SEZ6L: variants seen among roughly 807,000 people sequenced by gnomAD.
SEZ6L encodes the protein seizure 6-like protein.
Under a neutral mutation model 106.2 loss-of-function variants are expected in SEZ6L, and 37 were observed. That is an observed-to-expected ratio of 0.35 (90% CI 0.27 to 0.46). The LOEUF is 0.46. Ranked by LOEUF, SEZ6L falls within the 20% of genes least tolerant of loss-of-function variation. The pLI, the probability that SEZ6L is intolerant of heterozygous loss-of-function variation, is 1.00. For missense variants in SEZ6L, 1,172 were observed against 1,332.8 expected, an observed-to-expected ratio of 0.88 and a Z score of 1.88; for synonymous variants, 541 against 570.4, an observed-to-expected ratio of 0.95 and a Z score of 0.73.
chr22:26,350,807 C>T (rs943455749), intron 11 of SEZ6L, among the ~76,000 whole-genome samples: 6 of 152,038 alleles, frequency 3.9e-5, no homozygotes, highest in Admixed American at 2.0e-4. Context: ...CAGGCGCCCA[C>T]CACCAGGCCA....
intron 1 of SEZ6L, among the ~76,000 whole-genome samples, chr22:26,257,041 C>T (rs533404386): frequency 3.9e-5 from 6 of 152,146 alleles, no homozygotes; most frequent in African/African-American, 1.2e-4. Context: ...AAGGGACATA[C>T]GGAAATGTCT....
At chr22:26,274,896 C>T (rs1295813474) in intron 1 of SEZ6L, among the ~76,000 whole-genome samples, 3 of 152,208 alleles carry the variant, frequency 2.0e-5, no homozygotes, top group South Asian at 2.1e-4. Context: ...ATGTGGCTAC[C>T]GTTAGTCTCC....
intron 1 of SEZ6L, among the ~76,000 whole-genome samples, chr22:26,190,494 C>T (rs568930433): frequency 1.3e-5 from 2 of 152,284 alleles, no homozygotes; most frequent in South Asian, 4.2e-4. Context: ...GTTCAAATCC[C>T]ATCTCTGCCA....
chr22:26,295,784 C>G (rs1301874477), intron 3 of SEZ6L, among the ~76,000 whole-genome samples: 1 of 152,144 alleles, frequency 6.6e-6, no homozygotes, highest in African/African-American at 2.4e-5. Flanking sequence ...AAAACTGATG[C>G]AATGCCTGCC....
Position 26,311,930 on chromosome 22 carries a change from C to G in SEZ6L, c.1844C>G (p.Pro615Arg). ...ATCGAATGCATCAATGTGCGGGACC[C>G]ATACTGGAATGACACAGAGCCCCTG... ...AIIECINVRD[P>R]YWNDTEPLCR... The change falls in exon 8 of 17, where the codon CCA becomes CGA. Residue 615 changes from proline to arginine, a missense_variant. By Grantham distance (103) the Pro-to-Arg change is moderately radical. This residue lies in a region of SEZ6L where 534 missense variants were observed against 691.0 expected (regional missense o/e 0.77). Transcript: ENST00000248933. 6.2e-7 allele frequency: 1 copy of G among 1,614,146 alleles called. No individual in the cohort carries two copies. The highest frequency in any genetic ancestry group is 8.5e-7 in the Non-Finnish European group (1 of 1,180,028).
chr22:26,256,317 G>A (rs767330785), intron 1 of SEZ6L, among the ~76,000 whole-genome samples: 1 of 152,162 alleles, frequency 6.6e-6, no homozygotes, highest in African/African-American at 2.4e-5. Context: ...AAGTGAATAA[G>A]AGGTCACCTG....
chr22:26,250,587 A>G (rs1051719031), intron 1 of SEZ6L, among the ~76,000 whole-genome samples: 8 of 152,170 alleles, frequency 5.3e-5, no homozygotes, highest in Admixed American at 3.9e-4. Context: ...TTTTGAAGTC[A>G]GGTAGTATGA....
intron 6 of SEZ6L, among the ~76,000 whole-genome samples, chr22:26,306,932 C>G (rs1214705197): frequency 6.6e-6 from 1 of 152,048 alleles, no homozygotes; most frequent in South Asian, 2.1e-4. Context: ...GTTGGGTTTC[C>G]TTGGAATCAG....
chr22:26,248,164 T>C lies in SEZ6L; in HGVS notation c.95-44242T>C, dbSNP rs572295874. Among the ~76,000 whole-genome samples the C allele has an allele frequency of 2.0e-5, 3 of 152,314 alleles. No homozygotes were observed. The East Asian group carries it at 5.8e-4, about 29-fold the overall frequency. The stretch of plus-strand genomic sequence containing the variant: ...GCATCAGGACCTACTGTGTGCCAGG[T>C]AGTTCGTAGAAGTCACACCAAATAT... On this transcript the variant is annotated intron_variant, in intron 1 of 16. Coordinates refer to ENST00000248933, the MANE Select transcript of SEZ6L (RefSeq NM_021115.5).
At chr22:26,312,856 C>A (rs1472813983) in intron 8 of SEZ6L, among the ~76,000 whole-genome samples, 1 of 152,196 alleles carries the variant, frequency 6.6e-6, no homozygotes, top group East Asian at 1.9e-4. Context: ...AGGCATGAGC[C>A]ATCGCACCTG....
At chr22:26,272,227 T>C (rs979364344) in intron 1 of SEZ6L, among the ~76,000 whole-genome samples, 1 of 152,252 alleles carries the variant, frequency 6.6e-6, no homozygotes, top group African/African-American at 2.4e-5. Flanking sequence ...ATCTGGTAGC[T>C]ATTTATCTAG....
intron 1 of SEZ6L, among the ~76,000 whole-genome samples, chr22:26,176,525 T>G (rs1459169639): frequency 6.6e-6 from 1 of 152,224 alleles, no homozygotes; most frequent in Non-Finnish European, 1.5e-5. Context: ...ATGCTATTCC[T>G]GCAGCCTGGA....
chr22:26,244,163 A>AAAAGAAAGAAAG (rs147675419), intron 1 of SEZ6L, among the ~76,000 whole-genome samples: 5,521 of 149,550 alleles, frequency 0.037, 149 homozygotes, highest in South Asian at 0.089. Context: ...ACCCTATCTC[A>AAAAGAAAGAAAG]AAAGAAAGAA....
In SEZ6L at chr22:26,251,385, G is replaced by T. The variant is rs150848174; in HGVS notation, c.95-41021G>T. Among the ~76,000 whole-genome samples, 192 of 149,820 alleles carry T rather than the reference G, an allele frequency of 1.3e-3. 1 individual carries two copies. The highest frequency in any genetic ancestry group is 4.5e-3 in the African/African-American group (181 of 40,540). On this transcript the variant is annotated intron_variant, in intron 1 of 16. Coordinates refer to ENST00000248933, the MANE Select transcript of SEZ6L (RefSeq NM_021115.5). ...GAATGGATGTTGAATTTCATTAAAT[G>T]CTTTTTCTGCAAGTCTTGAAATAAT...
At chr22:26,254,789 G>A (rs1282547311) in intron 1 of SEZ6L, among the ~76,000 whole-genome samples, 2 of 152,264 alleles carry the variant, frequency 1.3e-5, no homozygotes, top group South Asian at 4.2e-4. Context: ...AGTGTCAGGG[G>A]TCTTAATGAG....
chr22:26,175,055 A>G (rs1017321314), intron 1 of SEZ6L, among the ~76,000 whole-genome samples: 3 of 152,158 alleles, frequency 2.0e-5, no homozygotes, highest in Non-Finnish European at 4.4e-5. Context: ...CAGAATCATG[A>G]CATCAAGTCC....
intron 9 of SEZ6L, among the ~76,000 whole-genome samples, chr22:26,316,337 A>C (rs747097940): frequency 2.0e-5 from 3 of 152,208 alleles, no homozygotes; most frequent in Non-Finnish European, 2.9e-5. Flanking sequence ...TAGGCTTAGC[A>C]CTGAAGATAC....
intron 1 of SEZ6L, among the ~76,000 whole-genome samples, chr22:26,270,280 G>A (rs137181): frequency 0.5 from 76,416 of 151,976 alleles, 20,492 homozygotes; most frequent in African/African-American, 0.62. Flanking sequence ...TGTCATCTTT[G>A]TTTCTTCCTG....
chr22:26,174,650 T>A (rs1261307754), intron 1 of SEZ6L, among the ~76,000 whole-genome samples: 1 of 152,186 alleles, frequency 6.6e-6, no homozygotes, highest in Non-Finnish European at 1.5e-5. Flanking sequence ...GATTTGCATG[T>A]TTGCATAATC....
Sources: gnomAD v4.1 joint callset for allele counts (sites outside exome capture counted in the v4.1 genomes callset) on GRCh38, gnomAD v4.1.1 for gene constraint, gnomAD v4.1.1 regional missense constraint, MANE v1.5 for transcripts, NCBI Gene and HGNC (gene_info 2026-07-23, HGNC 2026-07-21) for gene names.